Variants in GALM observed in about 807,000 individuals in gnomAD.
The protein encoded by GALM is aldose 1-epimerase.
Under a neutral mutation model 37.4 loss-of-function variants are expected in GALM, and 43 were observed. The ratio of observed to expected loss-of-function variants is 1.15; its 90% confidence interval spans 0.90 to 1.48. The LOEUF (loss-of-function observed/expected upper bound fraction) is 1.48. Ranked by LOEUF, GALM falls within the 40% of genes most tolerant of loss-of-function variation. The probability of loss-of-function intolerance (pLI) is 0.00; values close to 1 mark genes in which losing one functional copy is unlikely to be tolerated. For missense variants in GALM, 456 were observed against 419.1 expected, an observed-to-expected ratio of 1.09 and a Z score of -0.77; for synonymous variants, 199 against 170.6, an observed-to-expected ratio of 1.17 and a Z score of -1.30.
chr2:38,713,545 G>C (rs567657712), intron 4 of GALM, among the ~76,000 whole-genome samples: 24 of 152,264 alleles, frequency 1.6e-4, no homozygotes, highest in African/African-American at 3.1e-4. Flanking sequence ...CTGATTTACA[G>C]GGCTGATTTT....
At chr2:38,723,287 C>T (rs867906001) in intron 4 of GALM, among the ~76,000 whole-genome samples, 7 of 152,126 alleles carry the variant, frequency 4.6e-5, no homozygotes, top group Admixed American at 1.3e-4. Context: ...AGCACCTGCT[C>T]CAAGAATTGA....
chr2:38,733,492 G>A lies in GALM; in HGVS notation c.956G>A (p.Arg319His), dbSNP rs116100345. 83 of 1,613,664 alleles carry A rather than the reference G, an allele frequency of 5.1e-5. No homozygotes were observed. Among genetic ancestry groups the A allele is most frequent in the African/African-American group, 4.0e-4 (30 of 75,008 alleles). ...QNWPDAVNQP[R>H]FPPVLLRPGE... ...TGTGTTGTTTCCCCTTCACAGCCCCGCTTCCCTCCTGTGCTGCTGAGGCCT... is the reference window on the plus strand; with the variant it reads ...TGTGTTGTTTCCCCTTCACAGCCCCACTTCCCTCCTGTGCTGCTGAGGCCT... The change falls in exon 7 of 7, where the codon CGC becomes CAC. Residue 319 changes from arginine to histidine, a missense_variant. Physicochemically the swap from Arg to His is conservative, Grantham distance 29. Transcript: ENST00000272252.
At chr2:38,688,897 C>T (rs185078105) in intron 3 of GALM, among the ~76,000 whole-genome samples, 3 of 152,064 alleles carry the variant, frequency 2.0e-5, no homozygotes, top group Non-Finnish European at 4.4e-5. Flanking sequence ...CTTGGCTCAC[C>T]GCAACCTCCA....
chr2:38,713,620 C>G (rs1416976409), intron 4 of GALM, among the ~76,000 whole-genome samples: 1 of 152,134 alleles, frequency 6.6e-6, no homozygotes, highest in Non-Finnish European at 1.5e-5. Flanking sequence ...AGGTTGAAAT[C>G]TTGTCAGGTG....
Position 38,721,364 on chromosome 2 carries a change from G to T in GALM, c.635-8192G>T, listed in dbSNP as rs369863992. 1.2e-4 allele frequency among the ~76,000 whole-genome samples: 18 copies of T among 152,306 alleles called. 1 individual carries two copies. The East Asian group carries it at 3.1e-3, about 26-fold the overall frequency. ...ATCTTCTTGCAAAAATGAGGCAGTT[G>T]TAGTGGCTAGAGTAACACCCTCATG... On this transcript the variant is annotated intron_variant, in intron 4 of 6. Transcript: ENST00000272252.
chr2:38,731,228 A>C (rs1262635949), intron 5 of GALM, among the ~76,000 whole-genome samples: 2 of 151,810 alleles, frequency 1.3e-5, no homozygotes, highest in African/African-American at 4.8e-5. Flanking sequence ...CTCCATCTCA[A>C]AACAAACAAA....
chr2:38,723,216 A>G (rs1666419321), intron 4 of GALM, among the ~76,000 whole-genome samples: 1 of 152,198 alleles, frequency 6.6e-6, no homozygotes, highest in African/African-American at 2.4e-5. Context: ...AAACTGGGTC[A>G]TTGTCATACC....
At chr2:38,701,851 T>G (rs976659937) in intron 4 of GALM, among the ~76,000 whole-genome samples, 5 of 152,284 alleles carry the variant, frequency 3.3e-5, no homozygotes, top group African/African-American at 1.2e-4. Flanking sequence ...TTTCTGGAGC[T>G]CCTGACAGAA....
chr2:38,725,858 T>G (rs3112144), intron 4 of GALM, among the ~76,000 whole-genome samples: 2 of 151,964 alleles, frequency 1.3e-5, no homozygotes, highest in Non-Finnish European at 2.9e-5. Context: ...ATTACAGGTA[T>G]GCGCCACCAC....
intron 4 of GALM, among the ~76,000 whole-genome samples, chr2:38,729,078 C>T (rs7581263): frequency 0.56 from 84,418 of 151,902 alleles, 22,297 homozygotes; most frequent in East Asian, 0.8. Flanking sequence ...ATACTTAAAT[C>T]ATTAGATACT....
chr2:38,718,321 T>A (rs1968411), intron 4 of GALM, among the ~76,000 whole-genome samples: 87,257 of 150,540 alleles, frequency 0.58, 26,649 homozygotes, highest in East Asian at 0.86. Flanking sequence ...TGCCTCAGCC[T>A]CCCAAGTAGC....
chr2:38,692,477 C>T (rs1462575055), intron 4 of GALM, among the ~76,000 whole-genome samples: 1 of 152,120 alleles, frequency 6.6e-6, no homozygotes, highest in Non-Finnish European at 1.5e-5. Context: ...TCTTGAATCC[C>T]TAGGCTCAAG....
In GALM at chr2:38,675,518, G is replaced by GGTTTTTTT. The variant is rs796150100; in HGVS notation, c.191-394_191-393insGTTTTTTT. ...CATGCAACACACCTTTGGATTGAGG[G>GGTTTTTTT]TTTTTTTGTTTTTTTTTTTTTTTTT... On this transcript the variant is annotated intron_variant, in intron 1 of 6. Coordinates refer to ENST00000272252, the MANE Select transcript of GALM (RefSeq NM_138801.3). 3.8e-5 allele frequency among the ~76,000 whole-genome samples: 4 copies of GGTTTTTTT among 104,976 alleles called. 2 individuals carry two copies. Among genetic ancestry groups the GGTTTTTTT allele is most frequent in the Non-Finnish European group, 3.7e-5 (2 of 54,250 alleles). 68.9% of individuals were successfully genotyped at this position (104,976 alleles called of 152,430 possible).
intron 4 of GALM, among the ~76,000 whole-genome samples, chr2:38,708,824 TTTTTTGTTTG>T (rs1218991252): frequency 1.3e-5 from 2 of 152,122 alleles, no homozygotes; most frequent in South Asian, 4.2e-4. Flanking sequence ...AATAACAGTT[TTTTTTGTTTG>T]TTTGTTTGTT....
chr2:38,718,945 T>C (rs1222673308), intron 4 of GALM, among the ~76,000 whole-genome samples: 2 of 151,956 alleles, frequency 1.3e-5, no homozygotes, highest in Admixed American at 6.5e-5. Flanking sequence ...CAAAAAAAGC[T>C]ATTTTCCTGT....
chr2:38,714,069 G>C lies in GALM; in HGVS notation c.635-15487G>C, dbSNP rs533202870. Among the ~76,000 whole-genome samples the C allele has an allele frequency of 2.9e-4, 44 of 152,158 alleles. No homozygotes were observed. The South Asian group carries it at 8.1e-3, about 28-fold the overall frequency. On this transcript the variant is annotated intron_variant, in intron 4 of 6. Coordinates refer to ENST00000272252, the MANE Select transcript of GALM (RefSeq NM_138801.3). The stretch of plus-strand genomic sequence containing the variant: ...TAGAACAGTTCCTGGCATTTAGTAA[G>C]AGCTTTGTAAGTATTAACTATTATT...
intron 1 of GALM, among the ~76,000 whole-genome samples, chr2:38,672,693 A>G (rs748589369): frequency 2.0e-5 from 3 of 152,176 alleles, no homozygotes; most frequent in African/African-American, 7.2e-5. Flanking sequence ...AATAGTGTCT[A>G]CATCATAGAA....
chr2:38,709,293 A>G lies in GALM; in HGVS notation c.634+19399A>G, dbSNP rs988129318. On this transcript the variant is annotated intron_variant, in intron 4 of 6. Transcript: ENST00000272252. Reference sequence around the variant, plus strand: ...GCAGCAGGACTAGGAGGCTGCAGACAGACAGTGGGTAACTGAAAGGTGAAC... The same window carrying G: ...GCAGCAGGACTAGGAGGCTGCAGACGGACAGTGGGTAACTGAAAGGTGAAC... Among the ~76,000 whole-genome samples, 8 of 152,200 alleles carry G rather than the reference A, an allele frequency of 5.3e-5. No individual in the cohort carries two copies. In the East Asian group the frequency reaches 9.6e-4, roughly 18 times the overall value.
intron 4 of GALM, among the ~76,000 whole-genome samples, chr2:38,713,750 A>T (rs980186176): frequency 5.3e-5 from 8 of 152,138 alleles, no homozygotes; most frequent in South Asian, 2.1e-4. Context: ...CAAAAAAATT[A>T]AAAAATTAGG....
Sources: gnomAD v4.1 joint callset for allele counts (sites outside exome capture counted in the v4.1 genomes callset) on GRCh38, gnomAD v4.1.1 for gene constraint, MANE v1.5 for transcripts, NCBI Gene and HGNC (gene_info 2026-07-23, HGNC 2026-07-21) for gene names.